ARHGAP15: variants seen among roughly 807,000 people sequenced by gnomAD.
ARHGAP15 encodes rho GTPase-activating protein 15.
ARHGAP15 carries 51 observed loss-of-function variants against 63.7 expected under a neutral mutation model. The ratio of observed to expected loss-of-function variants is 0.80; its 90% CI spans 0.64 to 1.01. ARHGAP15 has a LOEUF of 1.01. Ranked by LOEUF, ARHGAP15 falls within the 50% of genes least tolerant of loss-of-function variation. The pLI, the probability that ARHGAP15 is intolerant of heterozygous loss-of-function variation, is 0.00. For missense variants in ARHGAP15, 560 were observed against 564.6 expected (o/e 0.99, Z 0.08); for synonymous variants, 191 against 193.8 (o/e 0.99, Z 0.12).
chr2:143,740,498 T>C (rs898632799), intron 13 of ARHGAP15, among the ~76,000 whole-genome samples: 3 of 152,184 alleles, frequency 2.0e-5, no homozygotes, highest in African/African-American at 7.2e-5. Flanking sequence ...GGAAAGAAAT[T>C]CCTGAAATTG....
chr2:143,530,571 G>A (rs754463576), intron 10 of ARHGAP15, among the ~76,000 whole-genome samples: 4 of 151,798 alleles, frequency 2.6e-5, no homozygotes, highest in Non-Finnish European at 4.4e-5. Flanking sequence ...AAACCTTCAG[G>A]CATTGTGCCT....
chr2:143,547,809 T>A (rs1695395861), intron 10 of ARHGAP15, among the ~76,000 whole-genome samples: 1 of 151,918 alleles, frequency 6.6e-6, no homozygotes, highest in African/African-American at 2.4e-5. Context: ...ATGCAATAAA[T>A]TGTTTTCCAA....
chr2:143,461,557 G>C (rs530880282), intron 8 of ARHGAP15, among the ~76,000 whole-genome samples: 28 of 152,134 alleles, frequency 1.8e-4, no homozygotes, highest in Non-Finnish European at 2.9e-4. Flanking sequence ...CGAGAAAATT[G>C]GTTTTACTCC....
At chr2:143,629,980 A>G (rs1441214455) in intron 12 of ARHGAP15, among the ~76,000 whole-genome samples, 2 of 152,184 alleles carry the variant, frequency 1.3e-5, no homozygotes, top group Admixed American at 6.6e-5. Context: ...GTATCATTGT[A>G]TATTGCCTTG....
intron 12 of ARHGAP15, among the ~76,000 whole-genome samples, chr2:143,697,701 G>A (rs964710149): frequency 6.6e-6 from 1 of 152,122 alleles, no homozygotes; most frequent in African/African-American, 2.4e-5. Flanking sequence ...TATTTATCAA[G>A]CAATTGTTGT....
intron 12 of ARHGAP15, among the ~76,000 whole-genome samples, chr2:143,690,519 T>G (rs1683548836): frequency 6.6e-6 from 1 of 152,188 alleles, no homozygotes; most frequent in African/African-American, 2.4e-5. Context: ...GAATGTTTAT[T>G]TTTAGTCCTG....
chr2:143,415,468 T>C (rs900461123), intron 6 of ARHGAP15, among the ~76,000 whole-genome samples: 2 of 151,902 alleles, frequency 1.3e-5, no homozygotes, highest in Admixed American at 6.6e-5. Flanking sequence ...CTAAAAAAAA[T>C]TTAAAGGCAA....
At chr2:143,753,347 G>A (rs1382561713) in intron 13 of ARHGAP15, among the ~76,000 whole-genome samples, 1 of 152,168 alleles carries the variant, frequency 6.6e-6, no homozygotes, top group Non-Finnish European at 1.5e-5. Flanking sequence ...TTATCAAATT[G>A]ACAAATGTAC....
In ARHGAP15 at chr2:143,472,804, T is replaced by C. The variant is rs563607263; in HGVS notation, c.704-14569T>C. Among the ~76,000 whole-genome samples the C allele has an allele frequency of 4.6e-5, 7 of 152,224 alleles. No individual in the cohort carries two copies. In the South Asian group the frequency reaches 1.5e-3, roughly 32 times the overall value. ...ATCATAGTATTTAATCCTTGCAACATGGCACCAAGATCTTTTTATCCTTAT... is the reference window on the plus strand; with the variant it reads ...ATCATAGTATTTAATCCTTGCAACACGGCACCAAGATCTTTTTATCCTTAT... On this transcript the variant is annotated intron_variant, in intron 8 of 13. Transcript: ENST00000295095.
chr2:143,636,839 A>G (rs984682157), intron 12 of ARHGAP15, among the ~76,000 whole-genome samples: 10 of 152,102 alleles, frequency 6.6e-5, no homozygotes, highest in African/African-American at 2.2e-4. Context: ...GCAAAATACC[A>G]GAGAGTGTGT....
At chr2:143,262,534 G>GCTTTTTTTTTTTTTT (rs1680773129) in intron 6 of ARHGAP15, among the ~76,000 whole-genome samples, 1 of 82,074 alleles carries the variant, frequency 1.2e-5, no homozygotes, top group Non-Finnish European at 2.3e-5. Context: ...CTGAACCTTT[G>GCTTTTTTTTTTTTTT]ATTTTTTTTT....
At position 143,556,402 on chromosome 2, in the gene ARHGAP15, CT is replaced by C; in HGVS notation, c.926-4del. The stretch of plus-strand genomic sequence containing the variant: ...GCTAATATAAAATATGCCCTTTTGT[CT>C]TCAGGTCTAGATGTTGATGGAATAT... On this transcript the variant is annotated splice_region_variant and splice_polypyrimidine_tract_variant and intron_variant, in intron 10 of 13. Transcript: ENST00000295095. 2 of 1,599,188 alleles carry C rather than the reference CT, an allele frequency of 1.3e-6. No individual in the cohort carries two copies. Among genetic ancestry groups the C allele is most frequent in the Non-Finnish European group, 1.7e-6 (2 of 1,171,736 alleles).
intron 13 of ARHGAP15, among the ~76,000 whole-genome samples, chr2:143,754,913 C>T (rs1686515862): frequency 6.6e-6 from 1 of 152,188 alleles, no homozygotes; most frequent in Admixed American, 6.5e-5. Context: ...AACTGCCTTG[C>T]CTTGCAAAAA....
At chr2:143,144,219 T>C (rs527454133) in intron 1 of ARHGAP15, among the ~76,000 whole-genome samples, 34 of 152,130 alleles carry the variant, frequency 2.2e-4, no homozygotes, top group African/African-American at 7.9e-4. Context: ...GTTGCCTCAA[T>C]GAATATACAC....
intron 6 of ARHGAP15, among the ~76,000 whole-genome samples, chr2:143,260,362 G>A (rs552593043): frequency 1.1e-4 from 16 of 152,082 alleles, no homozygotes; most frequent in Admixed American, 9.8e-4. Context: ...AAGTCTCCTT[G>A]GTATGTAATG....
At chr2:143,664,538 G>C (rs1449663066) in intron 12 of ARHGAP15, among the ~76,000 whole-genome samples, 2 of 151,786 alleles carry the variant, frequency 1.3e-5, no homozygotes, top group Non-Finnish European at 2.9e-5. Context: ...ACATTCAAAA[G>C]CTAGCAGAAG....
chr2:143,270,611 C>A (rs1681230045), intron 6 of ARHGAP15, among the ~76,000 whole-genome samples: 1 of 152,134 alleles, frequency 6.6e-6, no homozygotes, highest in Admixed American at 6.5e-5. Flanking sequence ...TTACATACTA[C>A]TTTCCTGTTT....
Position 143,768,326 on chromosome 2 carries a change from A to G in ARHGAP15, c.*154A>G, listed in dbSNP as rs2072986578. On this transcript the variant is annotated 3_prime_UTR_variant, in exon 14 of 14. Coordinates refer to ENST00000295095, the MANE Select transcript of ARHGAP15 (RefSeq NM_018460.4). ...ATGATGATTTTGTGTTTAAGTTCCAAACATTTGAATAAAATAATTGACAAT... is the reference window on the plus strand; with the variant it reads ...ATGATGATTTTGTGTTTAAGTTCCAGACATTTGAATAAAATAATTGACAAT... 2.7e-6 allele frequency: 2 copies of G among 731,732 alleles called. No individual in the cohort carries two copies. Among genetic ancestry groups the G allele is most frequent in the Non-Finnish European group, 4.4e-6 (2 of 453,168 alleles). The allele number at this position is 731,732 out of a possible 1,614,324, so 45.3% of individuals were successfully genotyped here.
intron 1 of ARHGAP15, among the ~76,000 whole-genome samples, chr2:143,143,229 T>C (rs1270932155): frequency 6.6e-6 from 1 of 152,094 alleles, no homozygotes; most frequent in Non-Finnish European, 1.5e-5. Context: ...AGATAGCTCC[T>C]ATATTAAGAT....
Sources: gnomAD v4.1 joint callset for allele counts (sites outside exome capture counted in the v4.1 genomes callset) on GRCh38, gnomAD v4.1.1 for gene constraint, MANE v1.5 for transcripts, NCBI Gene and HGNC (gene_info 2026-07-23, HGNC 2026-07-21) for gene names.